The following SNAP91 variants were observed in gnomAD, a reference collection of about 807,000 sequenced individuals.
The protein encoded by SNAP91 is synaptosome associated protein 91.
SNAP91 carries 27 observed loss-of-function variants against 100.3 expected under a neutral mutation model. That is an observed-to-expected ratio of 0.27 (90% CI 0.20 to 0.37). SNAP91 has a LOEUF of 0.37. Among genes scored for constraint, SNAP91 ranks in the 10% least tolerant of loss-of-function variants. The pLI, the probability that SNAP91 is intolerant of heterozygous loss-of-function variation, is 1.00. For missense variants in SNAP91, 986 were observed against 1,123.7 expected (o/e 0.88, Z 1.75); for synonymous variants, 404 against 398.6 (o/e 1.01, Z -0.16).
At chr6:83,680,014 T>C (rs1241176855) in intron 2 of SNAP91, among the ~76,000 whole-genome samples, 1 of 152,140 alleles carries the variant, frequency 6.6e-6, no homozygotes, top group African/African-American at 2.4e-5. Flanking sequence ...AACAGCTCTT[T>C]ATAAGGACAC....
At chr6:83,667,744 G>A (rs1043696006) in intron 2 of SNAP91, among the ~76,000 whole-genome samples, 36 of 151,954 alleles carry the variant, frequency 2.4e-4, no homozygotes, top group African/African-American at 7.7e-4. Flanking sequence ...CCATTAACTC[G>A]TCATGTACAT....
chr6:83,699,904 T>C (rs918513150), intron 2 of SNAP91, among the ~76,000 whole-genome samples: 1 of 152,322 alleles, frequency 6.6e-6, no homozygotes, highest in African/African-American at 2.4e-5. Flanking sequence ...TAGAATCTTA[T>C]ATACAGATAC....
intron 13 of SNAP91, among the ~76,000 whole-genome samples, chr6:83,606,333 A>G (rs2095612058): frequency 6.6e-6 from 1 of 152,226 alleles, no homozygotes; most frequent in African/African-American, 2.4e-5. Flanking sequence ...TTAGACTATA[A>G]TATATCAAGT....
chr6:83,598,332 C>G (rs2094737598), intron 16 of SNAP91, among the ~76,000 whole-genome samples: 1 of 152,066 alleles, frequency 6.6e-6, no homozygotes, highest in African/African-American at 2.4e-5. Context: ...ATAAATGTAG[C>G]TGACAAAAAT....
intron 9 of SNAP91, among the ~76,000 whole-genome samples, chr6:83,621,324 G>A (rs921750081): frequency 6.6e-6 from 1 of 152,078 alleles, no homozygotes; most frequent in Non-Finnish European, 1.5e-5. Context: ...GTATCCCATG[G>A]TGTATATGTA....
intron 11 of SNAP91, among the ~76,000 whole-genome samples, chr6:83,614,311 A>G (rs533125385): frequency 6.6e-5 from 10 of 152,294 alleles, no homozygotes; most frequent in Non-Finnish European, 1.0e-4. Flanking sequence ...ATATAAAGGT[A>G]TATCACAGAG....
At chr6:83,669,892 C>T (rs187192639) in intron 2 of SNAP91, among the ~76,000 whole-genome samples, 7 of 151,904 alleles carry the variant, frequency 4.6e-5, no homozygotes, top group Admixed American at 3.9e-4. Context: ...ATTCATTCAC[C>T]TGTTGATGAA....
intron 2 of SNAP91, among the ~76,000 whole-genome samples, chr6:83,688,280 T>C (rs1252979973): frequency 1.3e-5 from 2 of 152,174 alleles, no homozygotes; most frequent in Admixed American, 6.5e-5. Flanking sequence ...ACATAACCAG[T>C]GTATATTTGT....
chr6:83,655,861 G>GGGGGATA (rs2098391761), intron 7 of SNAP91, among the ~76,000 whole-genome samples: 1 of 152,118 alleles, frequency 6.6e-6, no homozygotes, highest in Admixed American at 6.6e-5. Context: ...CATGGACTCT[G>GGGGGATA]GGGGAGTTCC....
At position 83,556,219 on chromosome 6, in the gene SNAP91, A is replaced by G; in HGVS notation, c.2658T>C (p.Ser886=). Residue 886 remains serine, a synonymous_variant, in exon 29 of 30, where the codon AGT becomes AGC. Coordinates refer to ENST00000369694, the MANE Select transcript of SNAP91 (RefSeq NM_001242792.2). The part of the protein sequence containing the change: ...TQLSPSPTPA[S]QSPKKPPAKD... ...TTGCTGGAGGTTTCTTGGGACTCTG[A>G]CTGGCAGGTGTAGGGCTTGGAGAAA... 6.4e-7 allele frequency: 1 copy of G among 1,567,606 alleles called. No individual in the cohort carries two copies. Among genetic ancestry groups the G allele is most frequent in the Non-Finnish European group, 8.7e-7 (1 of 1,155,802 alleles).
chr6:83,672,736 A>G (rs1297392669), intron 2 of SNAP91, among the ~76,000 whole-genome samples: 3 of 152,180 alleles, frequency 2.0e-5, no homozygotes, highest in Admixed American at 1.3e-4. Flanking sequence ...TTATAGGCCA[A>G]TTCTCTCAAT....
At chr6:83,601,246 G>T (rs1220379316) in intron 16 of SNAP91, 25 bp downstream of exon 16, 1 of 1,609,690 alleles carries the variant, frequency 6.2e-7, no homozygotes, top group African/African-American at 1.3e-5. Context: ...CTGAAAAAAT[G>T]AAAGTAGCAG....
chr6:83,687,011 T>C (rs1010782311), intron 2 of SNAP91, among the ~76,000 whole-genome samples: 4 of 152,222 alleles, frequency 2.6e-5, no homozygotes, highest in African/African-American at 9.6e-5. Context: ...AGCTCAAGTT[T>C]ATTAAGTTTT....
chr6:83,705,717 A>G (rs1254044794), intron 2 of SNAP91, among the ~76,000 whole-genome samples: 1 of 152,076 alleles, frequency 6.6e-6, no homozygotes, highest in Non-Finnish European at 1.5e-5. Context: ...AGGCTGAGGC[A>G]GGAGAATCAC....
chr6:83,684,919 A>C (rs2099040366), intron 2 of SNAP91, among the ~76,000 whole-genome samples: 1 of 152,214 alleles, frequency 6.6e-6, no homozygotes, highest in South Asian at 2.1e-4. Flanking sequence ...ATGAGTTACA[A>C]CACCAAGATC....
At chr6:83,683,167 C>T (rs1390941510) in intron 2 of SNAP91, among the ~76,000 whole-genome samples, 1 of 152,128 alleles carries the variant, frequency 6.6e-6, no homozygotes, top group East Asian at 1.9e-4. Flanking sequence ...CTCTGTCTTT[C>T]CTTCTCAGCC....
chr6:83,640,758 T>C (rs1205619604), intron 8 of SNAP91, among the ~76,000 whole-genome samples: 3 of 152,160 alleles, frequency 2.0e-5, no homozygotes. Context: ...TAAGGTTCAA[T>C]GAAAATAAAG....
At chr6:83,630,205 G>A (rs2097149810) in intron 8 of SNAP91, among the ~76,000 whole-genome samples, 1 of 151,960 alleles carries the variant, frequency 6.6e-6, no homozygotes, top group Admixed American at 6.6e-5. Flanking sequence ...TGAAACCCTT[G>A]ATCATGGTGG....
At chr6:83,574,715 T>C (rs1013460324) in intron 26 of SNAP91, among the ~76,000 whole-genome samples, 3 of 152,172 alleles carry the variant, frequency 2.0e-5, no homozygotes, top group Non-Finnish European at 2.9e-5. Context: ...ATAATCATTA[T>C]TAAATATAAA....
Sources: gnomAD v4.1 joint callset for allele counts (sites outside exome capture counted in the v4.1 genomes callset) on GRCh38, gnomAD v4.1.1 for gene constraint, MANE v1.5 for transcripts, NCBI Gene and HGNC (gene_info 2026-07-23, HGNC 2026-07-21) for gene names.